The following PCDH7 variants were observed in gnomAD, a reference collection of about 807,000 sequenced individuals.
PCDH7 encodes the protein protocadherin 7.
In PCDH7, 17 loss-of-function variants were observed where a neutral mutation model predicts 58.9. The ratio of observed to expected loss-of-function variants is 0.29; its 90% confidence interval spans 0.20 to 0.43. The LOEUF (loss-of-function observed/expected upper bound fraction) is 0.43. Among genes scored for constraint, PCDH7 ranks in the 20% least tolerant of loss-of-function variants. The pLI is 1.00. For missense variants in PCDH7, 1,274 were observed against 1,441.0 expected, an observed-to-expected ratio of 0.88 and a Z score of 1.88; for synonymous variants, 664 against 616.4, an observed-to-expected ratio of 1.08 and a Z score of -1.14.
At chr4:30,738,904 T>C (rs988535453) in intron 1 of PCDH7, among the ~76,000 whole-genome samples, 1 of 151,868 alleles carries the variant, frequency 6.6e-6, no homozygotes, top group Non-Finnish European at 1.5e-5. Context: ...TCTCATGGCA[T>C]ATGGAAACTG....
chr4:30,842,526 C>T (rs1353454285), intron 1 of PCDH7, among the ~76,000 whole-genome samples: 2 of 151,958 alleles, frequency 1.3e-5, no homozygotes. Context: ...TATTATATCC[C>T]CAGAACATAT....
chr4:30,869,010 T>C (rs1735217235), intron 1 of PCDH7: 1 of 152,180 alleles, frequency 6.6e-6, no homozygotes, highest in Admixed American at 6.6e-5. Flanking sequence ...TATCAAGCAT[T>C]CTTTTTTTCA....
chr4:30,968,960 A>C (rs530198588), intron 3 of PCDH7, among the ~76,000 whole-genome samples: 2 of 152,288 alleles, frequency 1.3e-5, no homozygotes, highest in Non-Finnish European at 2.9e-5. Context: ...CTTTCTATGA[A>C]CTTATGTAAC....
intron 3 of PCDH7, among the ~76,000 whole-genome samples, chr4:31,005,259 G>A (rs1752678960): frequency 6.6e-6 from 1 of 152,152 alleles, no homozygotes; most frequent in East Asian, 1.9e-4. Flanking sequence ...TTGGGAAGCT[G>A]GAAGCGACAC....
rs188446740 is a variant in PCDH7 at position 30,805,596 on chromosome 4, A to G, written c.70+81000A>G. On this transcript the variant is annotated intron_variant, in intron 1 of 3. Transcript: ENST00000509759. ...AAATCATGGATTATTTCCCTCTCAA[A>G]TATTCTAGTTTATTCTCTTCAGAAA... Among the ~76,000 whole-genome samples the G allele has an allele frequency of 2.0e-3, 298 of 152,318 alleles. 2 individuals are homozygous for G. The highest frequency in any genetic ancestry group is 6.5e-3 in the African/African-American group (272 of 41,570).
chr4:31,139,517 A>T (rs545768949), intron 3 of PCDH7, among the ~76,000 whole-genome samples: 2 of 152,344 alleles, frequency 1.3e-5, no homozygotes, highest in South Asian at 4.1e-4. Flanking sequence ...GTTTAAAAGT[A>T]TGTCTTTTAT....
intron 3 of PCDH7, among the ~76,000 whole-genome samples, chr4:31,072,827 T>C (rs1758664967): frequency 6.6e-6 from 1 of 152,104 alleles, no homozygotes; most frequent in Admixed American, 6.6e-5. Flanking sequence ...AATCAATGGG[T>C]GAGTGTAACA....
At chr4:31,137,532 C>T (rs1292736695) in intron 3 of PCDH7, among the ~76,000 whole-genome samples, 1 of 152,090 alleles carries the variant, frequency 6.6e-6, no homozygotes, top group African/African-American at 2.4e-5. Context: ...TGCAATGAGC[C>T]GAGATCGTGC....
At chr4:30,898,653 C>A (rs780044761) in intron 1 of PCDH7, among the ~76,000 whole-genome samples, 1 of 152,118 alleles carries the variant, frequency 6.6e-6, no homozygotes, top group Non-Finnish European at 1.5e-5. Flanking sequence ...TGCAGTGGCG[C>A]GATCTAAGCT....
chr4:31,128,893 AG>A (rs1718637835), intron 3 of PCDH7, among the ~76,000 whole-genome samples: 1 of 152,202 alleles, frequency 6.6e-6, no homozygotes, highest in Non-Finnish European at 1.5e-5. Context: ...GAGGAGAGTG[AG>A]TGGTGAAGTT....
At chr4:31,140,631 A>G (rs963561419) in intron 3 of PCDH7, among the ~76,000 whole-genome samples, 2 of 151,498 alleles carry the variant, frequency 1.3e-5, no homozygotes, top group Non-Finnish European at 2.9e-5. Flanking sequence ...AAAAGAAAAG[A>G]AAAAAGGATC....
chr4:31,130,983 C>A (rs1718912628), intron 3 of PCDH7, among the ~76,000 whole-genome samples: 1 of 152,088 alleles, frequency 6.6e-6, no homozygotes, highest in African/African-American at 2.4e-5. Flanking sequence ...ACCATGTTAC[C>A]TAACATATGC....
chr4:30,817,513 G>A (rs899710981), intron 1 of PCDH7, among the ~76,000 whole-genome samples: 3 of 152,094 alleles, frequency 2.0e-5, no homozygotes, highest in Non-Finnish European at 2.9e-5. Flanking sequence ...TAAATAAGTA[G>A]GTGTGAAATA....
At chr4:31,052,139 G>A (rs1385029139) in intron 3 of PCDH7, among the ~76,000 whole-genome samples, 2 of 151,954 alleles carry the variant, frequency 1.3e-5, no homozygotes, top group Non-Finnish European at 1.5e-5. Flanking sequence ...TTTGTTTAAG[G>A]CATTAGAGAA....
chr4:31,019,437 C>T (rs1438833974), intron 3 of PCDH7, among the ~76,000 whole-genome samples: 1 of 152,082 alleles, frequency 6.6e-6, no homozygotes. Context: ...GGCATGGTGG[C>T]TCGTGCCTAT....
intron 1 of PCDH7, among the ~76,000 whole-genome samples, chr4:30,893,283 A>G (rs1236320188): frequency 6.6e-6 from 1 of 152,048 alleles, no homozygotes; most frequent in Non-Finnish European, 1.5e-5. Flanking sequence ...CCAAGCTACC[A>G]TTGTTGTTGT....
chr4:30,851,585 C>G (rs1732752339), intron 1 of PCDH7, among the ~76,000 whole-genome samples: 1 of 151,982 alleles, frequency 6.6e-6, no homozygotes, highest in Non-Finnish European at 1.5e-5. Context: ...CATCTCTGAG[C>G]TTCAGTTGCT....
chr4:31,016,648 T>G (rs1050569001), intron 3 of PCDH7, among the ~76,000 whole-genome samples: 7 of 152,104 alleles, frequency 4.6e-5, no homozygotes, highest in African/African-American at 1.7e-4. Context: ...AATAATAATT[T>G]TGTGGTCTGT....
chr4:30,886,062 G>A (rs1306610164), intron 1 of PCDH7, among the ~76,000 whole-genome samples: 2 of 151,734 alleles, frequency 1.3e-5, no homozygotes, highest in Non-Finnish European at 2.9e-5. Context: ...ATAGGCATGG[G>A]CAAGGACTTC....
Sources: allele counts gnomAD v4.1 joint callset (sites outside exome capture counted in the v4.1 genomes callset), GRCh38; gene constraint gnomAD v4.1.1; transcripts MANE v1.5; gene names NCBI Gene and HGNC (gene_info 2026-07-23, HGNC 2026-07-21).